Variants in ZYX observed in about 807,000 individuals in gnomAD.
ZYX encodes zyxin.
A neutral mutation model predicts 58.1 loss-of-function variants in ZYX; 37 were observed. That is an observed-to-expected ratio of 0.64 (90% CI 0.49 to 0.84). The LOEUF is 0.84. ZYX is among the 40% of genes least tolerant of loss of function. The pLI is 0.00. For missense variants in ZYX, 762 were observed against 761.6 expected (o/e 1.00, Z -0.01); for synonymous variants, 324 against 321.1 (o/e 1.01, Z -0.10).
At position 143,381,725 on chromosome 7, in the gene ZYX, GC is replaced by G; in HGVS notation, c.157del (p.Gln53SerfsTer89). 3.1e-6 allele frequency: 5 copies of G among 1,600,418 alleles called. No individual in the cohort carries two copies. Among genetic ancestry groups the G allele is most frequent in the Non-Finnish European group, 4.3e-6 (5 of 1,174,244 alleles). On this transcript the variant is annotated frameshift_variant, in exon 2 of 10. Transcript: ENST00000322764. LOFTEE classifies it high-confidence loss of function. Reference protein sequence around the residue: ...GDSEPPPAPGAQRAQMGRVGE... With the variant: ...GDSEPPPAPGXQRAQMGRVGE... ...CAGCGAGCCTCCCCCGGCACCCGGG[GC>G]CCAGCGCGCACAGATGGGCCGGGTG...
chr7:143,382,776 C>T, intron 4 of ZYX, 25 bp from the exon 5 acceptor site: 3 of 1,609,770 alleles, frequency 1.9e-6, no homozygotes, highest in South Asian at 2.2e-5. Context: ...GACTGCATCT[C>T]TCTTCCCTCT....
chr7:143,388,690 T>G lies in ZYX; in HGVS notation c.1314+32T>G. ...CGGGCTGTGCTGGGCTGTGCTGGGC[T>G]GTGCTGGGCAGTCGGGCCCTGGAAG... On this transcript the variant is annotated intron_variant, in intron 7 of 9. Coordinates refer to ENST00000322764, the MANE Select transcript of ZYX (RefSeq NM_003461.5). This position sits in a 1 kb window ranked among gnomAD's most constrained non-coding sequence, Gnocchi z 7.5. 6.2e-7 allele frequency: 1 copy of G among 1,611,222 alleles called. No individual in the cohort carries two copies. Among genetic ancestry groups the G allele is most frequent in the African/African-American group, 1.3e-5 (1 of 74,890 alleles).
At position 143,390,438 on chromosome 7, in the gene ZYX, G is replaced by A; in HGVS notation, c.1615-140G>A. 1.5e-6 allele frequency: 1 copy of A among 669,542 alleles called. No homozygotes were observed. The highest frequency in any genetic ancestry group is 2.6e-6 in the Non-Finnish European group (1 of 386,626). 41.5% of individuals were successfully genotyped at this position (669,542 alleles called of 1,614,324 possible). On this transcript the variant is annotated intron_variant, in intron 9 of 9. Coordinates refer to ENST00000322764, the MANE Select transcript of ZYX (RefSeq NM_003461.5). This position sits in a 1 kb window ranked among gnomAD's most constrained non-coding sequence, Gnocchi z 4.3. ...GTAGGATAGGGATGGGGAGTTGGGT[G>A]TGGCTGGAAAAAGCGATGACACCAG...
chr7:143,383,612 C>T (rs931177349), intron 5 of ZYX, among the ~76,000 whole-genome samples: 2 of 152,146 alleles, frequency 1.3e-5, no homozygotes, highest in Admixed American at 1.3e-4. Context: ...TTCCTTGTGC[C>T]TTTACCCCAG....
intron 5 of ZYX, among the ~76,000 whole-genome samples, chr7:143,385,704 T>A (rs1804838814): frequency 8.0e-6 from 1 of 125,666 alleles, no homozygotes; most frequent in African/African-American, 3.0e-5. Context: ...GAGTGCAGGC[T>A]GTCGCCCATG....
At chr7:143,386,479 C>T (rs889372769) in intron 5 of ZYX, among the ~76,000 whole-genome samples, 1 of 151,914 alleles carries the variant, frequency 6.6e-6, no homozygotes, top group Admixed American at 6.6e-5. Context: ...GGCTGGAGGT[C>T]GCGCGGGTGC....
In ZYX at chr7:143,390,113, C is replaced by T; in HGVS notation, c.1614+136C>T. On this transcript the variant is annotated intron_variant, in intron 9 of 9. Coordinates refer to ENST00000322764, the MANE Select transcript of ZYX (RefSeq NM_003461.5). This position sits in a 1 kb window ranked among gnomAD's most constrained non-coding sequence, Gnocchi z 4.3. Reference sequence around the variant, plus strand: ...ATTTTGAGGGTGGCTCATGGTGGCACCCCATCTGTCCTGCCAGAATGCTTC... The same window carrying T: ...ATTTTGAGGGTGGCTCATGGTGGCATCCCATCTGTCCTGCCAGAATGCTTC... The T allele has an allele frequency of 7.8e-7, 1 of 1,278,726 alleles. No homozygotes were observed. Among genetic ancestry groups the T allele is most frequent in the South Asian group, 1.4e-5 (1 of 72,842 alleles). The allele number at this position is 1,278,726 out of a possible 1,614,324, so 79.2% of individuals were successfully genotyped here.
rs1804672432 is a variant in ZYX at position 143,382,593 on chromosome 7, C to T, written c.409C>T (p.Pro137Ser). The change falls in exon 4 of 10, where the codon CCC (proline) becomes TCC (serine). Residue 137 changes from proline to serine, a missense_variant and splice_region_variant. Pro to Ser is a moderately conservative substitution (Grantham distance 74). Transcript: ENST00000322764. ...PEAPIPPPPQ[P>S]REKVSSIDLE... ...GGTGCTCTGACCTCTGACCCTCTAG[C>T]CCAGGGAGAAGGTGAGCAGTATTGA... The T allele has an allele frequency of 1.2e-6, 2 of 1,613,824 alleles. No individual in the cohort carries two copies. Among genetic ancestry groups the T allele is most frequent in the Admixed American group, 1.7e-5 (1 of 59,992 alleles).
chr7:143,389,287 G>A lies in ZYX; in HGVS notation c.1493+342G>A, dbSNP rs1213022523. 6.6e-6 allele frequency among the ~76,000 whole-genome samples: 1 copy of A among 152,200 alleles called. No individual in the cohort carries two copies. Among genetic ancestry groups the A allele is most frequent in the Non-Finnish European group, 1.5e-5 (1 of 68,032 alleles). On this transcript the variant is annotated intron_variant, in intron 8 of 9. Coordinates refer to ENST00000322764, the MANE Select transcript of ZYX (RefSeq NM_003461.5). This position sits in a 1 kb window ranked among gnomAD's most constrained non-coding sequence, Gnocchi z 5.6. ...TGGAGATCAGCTGTTTGGATTTCTG[G>A]TTTCTCCCCAGAAATAGTGTTTAGA...
Position 143,384,306 on chromosome 7 carries a change from G to A in ZYX, c.1023+984G>A, listed in dbSNP as rs1804781094. On this transcript the variant is annotated intron_variant, in intron 5 of 9. Transcript: ENST00000322764. This position sits in a 1 kb window ranked among gnomAD's most constrained non-coding sequence, Gnocchi z 4.9. ...GGGGAGTCAAATTAGGAAAGGCTTC[G>A]AAGGATGGGCAGGACGTAAGAATCC... 4.3e-6 allele frequency: 2 copies of A among 470,272 alleles called. No homozygotes were observed. The highest frequency in any genetic ancestry group is 8.8e-6 in the Non-Finnish European group (2 of 226,438). 29.1% of individuals were successfully genotyped at this position (470,272 alleles called of 1,614,324 possible). A position where few individuals can be genotyped will look rare whatever the true frequency, so the allele number is the denominator to read the frequency against.
At chr7:143,381,452 C>A (rs1398449906) in intron 1 of ZYX, 43 bp downstream of exon 1, 2 of 1,295,416 alleles carry the variant, frequency 1.5e-6, no homozygotes, top group East Asian at 6.4e-5. Context: ...GGGGAGGGGG[C>A]GCGGGGCGCC....
intron 2 of ZYX, 133 bp from the exon 3 acceptor site, chr7:143,382,115 C>T: frequency 1.3e-6 from 1 of 778,680 alleles, no homozygotes; most frequent in Non-Finnish European, 2.0e-6. Flanking sequence ...GCCCTGCGCC[C>T]CTCCTTTGCT....
intron 5 of ZYX, among the ~76,000 whole-genome samples, chr7:143,383,657 C>T (rs760377240): frequency 2.2e-4 from 34 of 152,192 alleles, no homozygotes; most frequent in Non-Finnish European, 3.8e-4. Flanking sequence ...ACCAGTTCCA[C>T]CTTGGTTTTT....
At chr7:143,385,660 C>CTTTTTGTTTT (rs1804833855) in intron 5 of ZYX, among the ~76,000 whole-genome samples, 1 of 68,960 alleles carries the variant, frequency 1.5e-5, no homozygotes, top group Non-Finnish European at 2.6e-5. Flanking sequence ...TGTGGTATAT[C>CTTTTTGTTTT]TTTTTTTTTT....
chr7:143,388,413 CCTAT>C lies in ZYX; in HGVS notation c.1145-73_1145-70del, dbSNP rs1804944690. ...GGGGGCCAGGGCTGTGGCTCCACTC[CCTAT>C]CTGAGCTGGCTGATCCCTCGCAGCT... On this transcript the variant is annotated intron_variant, in intron 6 of 9. Transcript: ENST00000322764. The surrounding 1 kb of genome is among the most constrained non-coding windows in gnomAD (Gnocchi z 7.5). 12 of 1,606,418 alleles carry C rather than the reference CCTAT, an allele frequency of 7.5e-6. No individual in the cohort carries two copies. The highest frequency in any genetic ancestry group is 1.7e-4 in the Middle Eastern group (1 of 6,024).
Position 143,388,358 on chromosome 7 carries a change from G to C in ZYX, c.1144+19G>C. The C allele has an allele frequency of 6.2e-7, 1 of 1,613,408 alleles. No homozygotes were observed. The highest frequency in any genetic ancestry group is 8.5e-7 in the Non-Finnish European group (1 of 1,179,604). On this transcript the variant is annotated intron_variant, in intron 6 of 9. Transcript: ENST00000322764. This position sits in a 1 kb window ranked among gnomAD's most constrained non-coding sequence, Gnocchi z 7.5. ...GTCAACGGTGAGCCCACCCCACCGGGACACCCCCACCCTGCCCCCACATCA... is the reference window on the plus strand; with the variant it reads ...GTCAACGGTGAGCCCACCCCACCGGCACACCCCCACCCTGCCCCCACATCA...
Position 143,389,131 on chromosome 7 carries a change from C to T in ZYX, c.1493+186C>T, listed in dbSNP as rs546312486. ...GTCCAGGGGCCTTAGGCCTGGGCAT[C>T]GAGTCCTGCTGCTGTCTGGTCCCTC... On this transcript the variant is annotated intron_variant, in intron 8 of 9. Coordinates refer to ENST00000322764, the MANE Select transcript of ZYX (RefSeq NM_003461.5). This position sits in a 1 kb window ranked among gnomAD's most constrained non-coding sequence, Gnocchi z 5.6. Among the ~76,000 whole-genome samples the T allele has an allele frequency of 4.2e-4, 64 of 152,330 alleles. No individual in the cohort carries two copies. Among genetic ancestry groups the T allele is most frequent in the Middle Eastern group, 3.4e-3 (1 of 294 alleles).
Position 143,388,616 on chromosome 7 carries a change from C to A in ZYX, c.1272C>A (p.Phe424Leu). The stretch of plus-strand genomic sequence containing the variant: ...CGCAGCAGCTCCAGGGCCAGCAGTT[C>A]TACAGTCTGGAGGGGGCGCCGTACT... ...QCAQQLQGQQFYSLEGAPYCE... is the reference protein window; with the variant it reads ...QCAQQLQGQQLYSLEGAPYCE... Residue 424 changes from phenylalanine to leucine, a missense_variant, in exon 7 of 10, where the codon TTC (phenylalanine) becomes TTA (leucine). By Grantham distance (22) the Phe-to-Leu change is conservative (BLOSUM62 0). Transcript: ENST00000322764. The surrounding 1 kb of genome is among the most constrained non-coding windows in gnomAD (Gnocchi z 7.5). 4 of 1,613,466 alleles carry A rather than the reference C, an allele frequency of 2.5e-6. No individual in the cohort carries two copies. Among genetic ancestry groups the A allele is most frequent in the Non-Finnish European group, 3.4e-6 (4 of 1,179,968 alleles).
rs779068244 is a variant in ZYX, at chr7:143,387,254, G to C, written c.1024-965G>C. ...GGGTACAGATGGGGGTCGGGGTGAG[G>C]GGCAGTGAAGCCAGGGCTGAGGGGA... On this transcript the variant is annotated intron_variant, in intron 5 of 9. Transcript: ENST00000322764. This position sits in a 1 kb window ranked among gnomAD's most constrained non-coding sequence, Gnocchi z 5.8. Among the ~76,000 whole-genome samples, 1 of 152,124 alleles carries C rather than the reference G, an allele frequency of 6.6e-6. No homozygotes were observed. The highest frequency in any genetic ancestry group is 2.4e-5 in the African/African-American group (1 of 41,414).
Sources: allele counts gnomAD v4.1 joint callset (sites outside exome capture counted in the v4.1 genomes callset), GRCh38; gene constraint gnomAD v4.1.1; non-coding constraint Gnocchi (gnomAD v3.1); transcripts MANE v1.5; gene names NCBI Gene and HGNC (gene_info 2026-07-23, HGNC 2026-07-21).